Variants in AKAP3 observed in about 807,000 individuals in gnomAD.
The protein encoded by AKAP3 is A-kinase anchoring protein 3.
AKAP3 carries 27 observed loss-of-function variants against 57.2 expected under a neutral mutation model. That is an observed-to-expected ratio of 0.47 (90% CI 0.35 to 0.65). The LOEUF is 0.65. Ranked by LOEUF, AKAP3 falls within the 30% of genes least tolerant of loss-of-function variation. The pLI, the probability that AKAP3 is intolerant of heterozygous loss-of-function variation, is 0.01. For synonymous variants in AKAP3, 334 were observed against 392.3 expected (o/e 0.85, Z 1.76); for missense variants, 959 against 1,040.0 (o/e 0.92, Z 1.07).
rs1199509816 is a variant in AKAP3, at chr12:4,625,679, G to A, written c.2406+817C>T. On this transcript the variant is annotated intron_variant, in intron 5 of 5. Transcript: ENST00000228850. The surrounding 1 kb of genome is among the most constrained non-coding windows in gnomAD (Gnocchi z 5.4). ...TCAAGAGGAGACAATCAAAAGCACT[G>A]AGGAAGAGAAAATGAGAGAGAGAGA... 1.4e-5 allele frequency among the ~76,000 whole-genome samples: 2 copies of A among 143,004 alleles called. No homozygotes were observed. Among genetic ancestry groups the A allele is most frequent in the African/African-American group, 2.7e-5 (1 of 36,778 alleles). The allele number at this position is 143,004 out of a possible 152,430, so 93.8% of individuals were successfully genotyped here. A position where few individuals can be genotyped will look rare whatever the true frequency, so the allele number is the denominator to read the frequency against.
rs953905145 is a variant in AKAP3, at chr12:4,626,921, T to C, written c.1981A>G (p.Ile661Val). 2.5e-6 allele frequency: 4 copies of C among 1,613,864 alleles called. No homozygotes were observed. The African/African-American group carries it at 5.3e-5, about 22-fold the overall frequency. ...SGLTKMAVSQ[I>V]DGHMSGQMVE... ...ATCTGCCCACTCATGTGGCCATCTA[T>C]CTGGCTGACAGCCATCTTGGTCAGC... The change falls in exon 5 of 6, where the codon ATA becomes GTA. Residue 661 changes from isoleucine to valine, a missense_variant. Transcript: ENST00000228850.
chr12:4,620,759 T>C (rs1328443445), intron 5 of AKAP3, among the ~76,000 whole-genome samples: 1 of 152,132 alleles, frequency 6.6e-6, no homozygotes, highest in Non-Finnish European at 1.5e-5. Context: ...TAAACAAACC[T>C]ACCGTGCTGC....
At chr12:4,635,596 T>C (rs1185331141) in intron 4 of AKAP3, 1 of 727,408 alleles carries the variant, frequency 1.4e-6, no homozygotes. Flanking sequence ...CCTTGTTTCC[T>C]GATAAAGCTA....
At position 4,626,986 on chromosome 12, in the gene AKAP3, C is replaced by T. The variant is rs1372989739; in HGVS notation, c.1916G>A (p.Arg639Lys). Reference sequence around the variant, plus strand: ...AGGGGTCTCATCATCCTCATATAGCCTGGGGGGAGAAGACGCCAACGGTCT... The same window carrying T: ...AGGGGTCTCATCATCCTCATATAGCTTGGGGGGAGAAGACGCCAACGGTCT... ...CERPLASSPP[R>K]LYEDDETPGA... The change falls in exon 5 of 6, where the codon AGG becomes AAG. Residue 639 changes from arginine to lysine, a missense_variant. Transcript: ENST00000228850. 14 of 1,614,032 alleles carry T rather than the reference C, an allele frequency of 8.7e-6. No individual in the cohort carries two copies. Among genetic ancestry groups the T allele is most frequent in the Admixed American group, 6.7e-5 (4 of 59,994 alleles).
chr12:4,623,319 G>A (rs1201629859), intron 5 of AKAP3, among the ~76,000 whole-genome samples: 1 of 152,166 alleles, frequency 6.6e-6, no homozygotes, highest in Non-Finnish European at 1.5e-5. Flanking sequence ...GATGTTCACT[G>A]CAACACTATT....
chr12:4,632,138 C>A (rs1227637460), intron 4 of AKAP3, among the ~76,000 whole-genome samples: 1 of 152,152 alleles, frequency 6.6e-6, no homozygotes, highest in African/African-American at 2.4e-5. Context: ...ATATGTAAAT[C>A]ATTTCTAAGT....
chr12:4,645,592 C>T (rs1052399326), intron 1 of AKAP3: 1 of 152,136 alleles, frequency 6.6e-6, no homozygotes, highest in Non-Finnish European at 1.5e-5. Context: ...AGCGACAGAT[C>T]ATCAGGCACT....
At chr12:4,636,814 G>T (rs1325451345) in intron 4 of AKAP3, among the ~76,000 whole-genome samples, 1 of 152,096 alleles carries the variant, frequency 6.6e-6, no homozygotes, top group Non-Finnish European at 1.5e-5. Flanking sequence ...CAGTGGCATG[G>T]TCACAGCTCA....
chr12:4,622,108 C>T (rs1387764461), intron 5 of AKAP3, among the ~76,000 whole-genome samples: 1 of 152,078 alleles, frequency 6.6e-6, no homozygotes, highest in Admixed American at 6.5e-5. Flanking sequence ...AATTACAAAA[C>T]ACTGCTCGAA....
intron 5 of AKAP3, among the ~76,000 whole-genome samples, chr12:4,617,679 G>A (rs904922474): frequency 6.6e-6 from 1 of 151,588 alleles, no homozygotes; most frequent in Non-Finnish European, 1.5e-5. Context: ...TTGAACCCAG[G>A]AGGCTGAGGT....
Position 4,627,009 on chromosome 12 carries a change from T to G in AKAP3, c.1893A>C (p.Arg631Ser). The change falls in exon 5 of 6, where the codon AGA (arginine) becomes AGC (serine). Residue 631 changes from arginine to serine, a missense_variant. By Grantham distance (110) the Arg-to-Ser change is moderately radical. Coordinates refer to ENST00000228850, the MANE Select transcript of AKAP3 (RefSeq NM_001278309.2). ...PVKEDRKLCERPLASSPPRLY... is the reference protein window; with the variant it reads ...PVKEDRKLCESPLASSPPRLY... ...GCCTGGGGGGAGAAGACGCCAACGG[T>G]CTTTCACACAACTTCCTATCTTCCT... The G allele has an allele frequency of 2.5e-6, 4 of 1,614,044 alleles. No individual in the cohort carries two copies. The highest frequency in any genetic ancestry group is 2.5e-6 in the Non-Finnish European group (3 of 1,179,974).
chr12:4,615,968 G>A (rs7301885), intron 5 of AKAP3, 74 bp from the exon 6 acceptor site: 1,584,762 of 1,590,502 alleles, frequency 1, 789,714 homozygotes, highest in East Asian at 1. Flanking sequence ...TGCCAAGGCT[G>A]GAGCAGAGAG....
intron 3 of AKAP3, among the ~76,000 whole-genome samples, chr12:4,639,533 C>A (rs1945609060): frequency 6.6e-6 from 1 of 151,962 alleles, no homozygotes; most frequent in African/African-American, 2.4e-5. Context: ...CCCATTAGCT[C>A]ATCATTTACA....
At chr12:4,633,483 T>C (rs114607063) in intron 4 of AKAP3, among the ~76,000 whole-genome samples, 2,590 of 152,190 alleles carry the variant, frequency 0.017, 65 homozygotes, top group African/African-American at 0.059. Flanking sequence ...TTAATCCAAC[T>C]GTAGTGACTG....
Position 4,649,018 on chromosome 12 carries a change from C to G in AKAP3, c.-518G>C. 1.6e-6 allele frequency: 2 copies of G among 1,270,522 alleles called. No homozygotes were observed. Among genetic ancestry groups the G allele is most frequent in the Non-Finnish European group, 2.2e-6 (2 of 898,854 alleles). 78.7% of individuals were successfully genotyped at this position (1,270,522 alleles called of 1,614,324 possible). A position where few individuals can be genotyped will look rare whatever the true frequency, so the allele number is the denominator to read the frequency against. On this transcript the variant is annotated 5_prime_UTR_variant, in exon 1 of 6. Transcript: ENST00000228850. ...TCTTAACCAACAATCTACCCGAAAC[C>G]GTCGTTTCTTGGTTAGCGCTTGCGC...
chr12:4,643,926 G>A (rs559613201), intron 2 of AKAP3, among the ~76,000 whole-genome samples: 1 of 152,344 alleles, frequency 6.6e-6, no homozygotes, highest in Admixed American at 6.5e-5. Flanking sequence ...GGGTTGCTAA[G>A]TACTTGATCG....
intron 4 of AKAP3, among the ~76,000 whole-genome samples, chr12:4,637,297 G>A (rs901511723): frequency 1.6e-4 from 25 of 152,168 alleles, no homozygotes; most frequent in Non-Finnish European, 2.1e-4. Context: ...GGTACTGGGG[G>A]ACACTGCATG....
intron 1 of AKAP3, among the ~76,000 whole-genome samples, chr12:4,646,419 C>T (rs770626922): frequency 5.9e-5 from 9 of 152,188 alleles, no homozygotes; most frequent in Non-Finnish European, 1.3e-4. Context: ...GTCTGTAATG[C>T]CAGCACTTTG....
At chr12:4,632,008 A>C (rs1364001677) in intron 4 of AKAP3, among the ~76,000 whole-genome samples, 1 of 152,206 alleles carries the variant, frequency 6.6e-6, no homozygotes, top group Admixed American at 6.5e-5. Context: ...CATTCTGACA[A>C]ACTTTATTTC....
Sources: allele counts gnomAD v4.1 joint callset (sites outside exome capture counted in the v4.1 genomes callset), GRCh38; gene constraint gnomAD v4.1.1; non-coding constraint Gnocchi (gnomAD v3.1); transcripts MANE v1.5; gene names NCBI Gene and HGNC (gene_info 2026-07-23, HGNC 2026-07-21).